PIK3AP1: variants seen among roughly 807,000 people sequenced by gnomAD.
The protein encoded by PIK3AP1 is phosphoinositide 3-kinase adapter protein 1.
A neutral mutation model predicts 88.1 loss-of-function variants in PIK3AP1; 21 were observed. That is an observed-to-expected ratio of 0.24 (90% CI 0.17 to 0.34). PIK3AP1 has a LOEUF of 0.34. PIK3AP1 is among the 10% of genes least tolerant of loss of function. The pLI, the probability that PIK3AP1 is intolerant of heterozygous loss-of-function variation, is 1.00. For synonymous variants in PIK3AP1, 398 were observed against 400.0 expected (o/e 1.00, Z 0.06); for missense variants, 828 against 1,035.7 (o/e 0.80, Z 2.75).
chr10:96,661,792 T>TAGGACAGGACAGGACAGGAC (rs138792870), intron 2 of PIK3AP1, among the ~76,000 whole-genome samples: 1 of 141,246 alleles, frequency 7.1e-6, no homozygotes, highest in African/African-American at 2.7e-5. Context: ...AAGGACAGGA[T>TAGGACAGGACAGGACAGGAC]AGGACAGGAC....
chr10:96,717,315 C>G (rs1023096784), intron 1 of PIK3AP1, among the ~76,000 whole-genome samples: 1 of 151,022 alleles, frequency 6.6e-6, no homozygotes, highest in Admixed American at 6.6e-5. Context: ...TGCCAGAAAG[C>G]TTCTCAAACC....
chr10:96,711,505 A>G (rs1844436142), intron 1 of PIK3AP1, among the ~76,000 whole-genome samples: 1 of 152,208 alleles, frequency 6.6e-6, no homozygotes, highest in Non-Finnish European at 1.5e-5. Flanking sequence ...GTTGGGAACC[A>G]CCTAAGTTGT....
At chr10:96,698,485 T>C (rs1268594619) in intron 2 of PIK3AP1, among the ~76,000 whole-genome samples, 1 of 152,004 alleles carries the variant, frequency 6.6e-6, no homozygotes, top group Non-Finnish European at 1.5e-5. Context: ...ACCCCATCTC[T>C]ACTAAAACTA....
intron 2 of PIK3AP1, among the ~76,000 whole-genome samples, chr10:96,675,582 C>A (rs999219283): frequency 6.6e-6 from 1 of 152,240 alleles, no homozygotes; most frequent in Non-Finnish European, 1.5e-5. Context: ...ACATACATGG[C>A]AGTGCTTCAA....
In PIK3AP1 at chr10:96,616,530, G is replaced by A. The variant is rs555178124; in HGVS notation, c.2014+109C>T. 4.6e-5 allele frequency: 51 copies of A among 1,110,038 alleles called. No homozygotes were observed. The East Asian group carries it at 4.7e-4, about 10-fold the overall frequency. 68.8% of individuals were successfully genotyped at this position (1,110,038 alleles called of 1,614,324 possible). A position where few individuals can be genotyped will look rare whatever the true frequency, so the allele number is the denominator to read the frequency against. On this transcript the variant is annotated intron_variant, in intron 13 of 16. Coordinates refer to ENST00000339364, the MANE Select transcript of PIK3AP1 (RefSeq NM_152309.3). ...GACCCAGATCTGTAAACAGTATGAC[G>A]AGTGCTGGGCAAGTGGTCTGCCCAC...
At chr10:96,612,974 A>AT (rs1849145756) in intron 13 of PIK3AP1, among the ~76,000 whole-genome samples, 1 of 84,870 alleles carries the variant, frequency 1.2e-5, no homozygotes, top group Non-Finnish European at 2.0e-5. Context: ...ATATATATAT[A>AT]TATATATATT....
At chr10:96,658,467 C>T (rs889063622) in intron 2 of PIK3AP1, among the ~76,000 whole-genome samples, 1 of 152,108 alleles carries the variant, frequency 6.6e-6, no homozygotes, top group Admixed American at 6.6e-5. Flanking sequence ...CCATAAAGGC[C>T]GAGTTGGGGG....
At chr10:96,604,546 T>G (rs1345607029) in intron 14 of PIK3AP1, among the ~76,000 whole-genome samples, 2 of 152,036 alleles carry the variant, frequency 1.3e-5, no homozygotes, top group African/African-American at 4.8e-5. Flanking sequence ...TGAAACAAAA[T>G]TATTCACTTT....
chr10:96,669,942 C>T (rs1290578881), intron 2 of PIK3AP1, among the ~76,000 whole-genome samples: 1 of 151,420 alleles, frequency 6.6e-6, no homozygotes, highest in South Asian at 2.1e-4. Flanking sequence ...TTTGGGAGGC[C>T]GAGGTGGGCG....
chr10:96,711,405 T>G (rs755470501), intron 1 of PIK3AP1, among the ~76,000 whole-genome samples: 11 of 152,256 alleles, frequency 7.2e-5, no homozygotes, highest in Non-Finnish European at 1.0e-4. Context: ...CAACAAACTG[T>G]TCTGTGTGTG....
intron 8 of PIK3AP1, among the ~76,000 whole-genome samples, chr10:96,644,784 T>G (rs1039490920): frequency 5.3e-5 from 8 of 152,340 alleles, no homozygotes; most frequent in Admixed American, 1.3e-4. Flanking sequence ...CTGTTTCACA[T>G]ATAAACACAT....
At chr10:96,712,494 A>ATT (rs111779755) in intron 1 of PIK3AP1, among the ~76,000 whole-genome samples, 1 of 150,960 alleles carries the variant, frequency 6.6e-6, no homozygotes, top group African/African-American at 2.4e-5. Flanking sequence ...TGCTGCTTGG[A>ATT]TTTTTTTTTT....
chr10:96,639,579 G>C (rs1485327471), intron 8 of PIK3AP1, among the ~76,000 whole-genome samples: 4 of 152,196 alleles, frequency 2.6e-5, no homozygotes, highest in Non-Finnish European at 4.4e-5. Context: ...CCCCAACATA[G>C]TTCTTGTATT....
intron 8 of PIK3AP1, chr10:96,632,824 ACTACACAT>A: frequency 6.4e-7 from 1 of 1,573,212 alleles, no homozygotes; most frequent in Non-Finnish European, 8.6e-7. Context: ...GGCTGTATTG[ACTACACAT>A]CCACCAGTCC....
chr10:96,717,183 G>A (rs1414780169), intron 1 of PIK3AP1, among the ~76,000 whole-genome samples: 1 of 151,570 alleles, frequency 6.6e-6, no homozygotes, highest in African/African-American at 2.4e-5. Context: ...ACTTCAACCT[G>A]GGAGGCAGAG....
chr10:96,700,929 G>A, intron 2 of PIK3AP1: 1 of 920,678 alleles, frequency 1.1e-6, no homozygotes, highest in South Asian at 5.3e-5. Context: ...AGCCCCTTGG[G>A]ACTACTGTGC....
intron 2 of PIK3AP1, among the ~76,000 whole-genome samples, chr10:96,696,864 C>T (rs746752759): frequency 2.0e-5 from 3 of 152,124 alleles, no homozygotes; most frequent in Non-Finnish European, 4.4e-5. Context: ...GAATACACTA[C>T]CATACCTTGA....
chr10:96,711,649 A>ATC (rs1255965338), intron 1 of PIK3AP1, among the ~76,000 whole-genome samples: 3 of 151,436 alleles, frequency 2.0e-5, no homozygotes, highest in Non-Finnish European at 4.4e-5. Context: ...GCCTGCCCCC[A>ATC]TCCAATCCAC....
intron 7 of PIK3AP1, 117 bp from the exon 8 acceptor site, chr10:96,645,779 A>C (rs1843451160): frequency 3.7e-6 from 3 of 820,408 alleles, no homozygotes; most frequent in Admixed American, 5.7e-5. Context: ...TCAGGATTAC[A>C]ACTGGTTGTG....
Sources: gnomAD v4.1 joint callset for allele counts (sites outside exome capture counted in the v4.1 genomes callset) on GRCh38, gnomAD v4.1.1 for gene constraint, MANE v1.5 for transcripts, NCBI Gene and HGNC (gene_info 2026-07-23, HGNC 2026-07-21) for gene names.